Variants in PLEKHG2 observed in about 807,000 individuals in gnomAD.
PLEKHG2 encodes the protein pleckstrin homology and RhoGEF domain containing G2, also known as pleckstrin homology domain-containing family G member 2.
PLEKHG2 carries 71 observed loss-of-function variants against 104.4 expected under a neutral mutation model. The ratio of observed to expected loss-of-function variants is 0.68; its 90% confidence interval spans 0.56 to 0.83. The LOEUF (loss-of-function observed/expected upper bound fraction) is 0.83. Among genes scored for constraint, PLEKHG2 ranks in the 40% least tolerant of loss-of-function variants. PLEKHG2 has a pLI of 0.00. For missense variants in PLEKHG2, 1,730 were observed against 1,809.4 expected, an observed-to-expected ratio of 0.96 and a Z score of 0.80; for synonymous variants, 728 against 737.0, an observed-to-expected ratio of 0.99 and a Z score of 0.20.
At chr19:39,417,273 C>T (rs1369978663) in intron 7 of PLEKHG2, among the ~76,000 whole-genome samples, 1 of 152,146 alleles carries the variant, frequency 6.6e-6, no homozygotes, top group Non-Finnish European at 1.5e-5. Context: ...CTTGCTCAGC[C>T]TCCTGAGTAG....
chr19:39,417,752 C>CTTGGGGGG, intron 8 of PLEKHG2, 60 bp downstream of exon 8: 1 of 375,768 alleles, frequency 2.7e-6, no homozygotes, highest in Non-Finnish European at 3.9e-6. Context: ...GGCCTTGGGG[C>CTTGGGGGG]GGGTGGGGGG....
intron 11 of PLEKHG2, among the ~76,000 whole-genome samples, chr19:39,419,603 C>T (rs1348845832): frequency 6.6e-6 from 1 of 151,722 alleles, no homozygotes; most frequent in East Asian, 1.9e-4. Context: ...TTAGGCCGGG[C>T]GCGGTGGCTC....
At position 39,424,810 on chromosome 19, in the gene PLEKHG2, T is replaced by G. The variant is rs761934608; in HGVS notation, c.3677T>G (p.Leu1226Arg). 3 of 1,614,142 alleles carry G rather than the reference T, an allele frequency of 1.9e-6. No individual in the cohort carries two copies. The highest frequency in any genetic ancestry group is 8.5e-7 in the Non-Finnish European group (1 of 1,180,014). Residue 1226 changes from leucine (L) to arginine (R), a missense_variant, in exon 19 of 19, where the codon CTC becomes CGC. Physicochemically the swap from Leu to Arg is moderately radical, Grantham distance 102. Coordinates refer to ENST00000425673, the MANE Select transcript of PLEKHG2 (RefSeq NM_022835.3). ...GGAGGCTCTCTAGACATTCAGGGCC[T>G]CTCACCCACCCCAGTTCAGACCACC... Reference protein sequence around the residue: ...ERGGSLDIQGLSPTPVQTTMV... With the variant: ...ERGGSLDIQGRSPTPVQTTMV...
Position 39,416,420 on chromosome 19 carries a change from T to G in PLEKHG2, c.546+6T>G, listed in dbSNP as rs765580198. ...CCGAGTGCTTCGTGCAGAGGGTGAG[T>G]GGAGGGGTGGGGGGCTCTCGGTCCT... On this transcript the variant is annotated splice_donor_region_variant and intron_variant, in intron 5 of 18. Transcript: ENST00000425673. This position sits in a 1 kb window ranked among gnomAD's most constrained non-coding sequence, Gnocchi z 4.5. The G allele has an allele frequency of 2.5e-6, 4 of 1,572,416 alleles. No individual in the cohort carries two copies. Among genetic ancestry groups the G allele is most frequent in the African/African-American group, 3.2e-5 (2 of 63,092 alleles).
Position 39,422,589 on chromosome 19 carries a change from A to G in PLEKHG2, c.1678-143A>G, listed in dbSNP as rs938570663. ...TTTTTAGTAGAGACAGGGTTTCACT[A>G]TGTTGGCCAGGCTGGTCTCGAACTC... is the stretch of plus-strand genomic sequence containing the variant. On this transcript the variant is annotated intron_variant, in intron 17 of 18. Coordinates refer to ENST00000425673, the MANE Select transcript of PLEKHG2 (RefSeq NM_022835.3). 4 of 1,051,776 alleles carry G rather than the reference A, an allele frequency of 3.8e-6. No homozygotes were observed. In the African/African-American group the frequency reaches 5.0e-5, roughly 13 times the overall value. The allele number at this position is 1,051,776 out of a possible 1,614,324, so 65.2% of individuals were successfully genotyped here. A position where few individuals can be genotyped will look rare whatever the true frequency, so the allele number is the denominator to read the frequency against.
Position 39,424,943 on chromosome 19 carries a change from G to A in PLEKHG2, c.3810G>A (p.Leu1270=), listed in dbSNP as rs780560130. 5.0e-6 allele frequency: 8 copies of A among 1,614,192 alleles called. No homozygotes were observed. Among genetic ancestry groups the A allele is most frequent in the South Asian group, 3.3e-5 (3 of 91,086 alleles). The change falls in exon 19 of 19, where the codon CTG becomes CTA. Residue 1270 remains leucine, a synonymous_variant. Transcript: ENST00000425673. ...CCCCACCTTCCAGCCGTCAGCTCCT[G>A]GGCCCCAATGCAGCTGCCCTCTCCA... ...HSPPPSSRQL[L]GPNAAALSRY... is the part of the protein sequence containing the mutation.
At chr19:39,420,898 C>G in intron 13 of PLEKHG2, 46 bp downstream of exon 13, 1 of 1,614,020 alleles carries the variant, frequency 6.2e-7, no homozygotes, top group South Asian at 1.1e-5. Flanking sequence ...CCCCACTTCC[C>G]TAGGACCCGG....
At position 39,426,722 on chromosome 19, in the gene PLEKHG2, A is replaced by G. The variant is rs1156670828; in HGVS notation, c.*1428A>G. ...AAAGATTTAGGGAGCATATCCTTCC[A>G]CTTCCCAAACATATTTGAACCTCTG... On this transcript the variant is annotated 3_prime_UTR_variant, in exon 19 of 19. Transcript: ENST00000425673. 2.0e-5 allele frequency: 3 copies of G among 152,124 alleles called. No homozygotes were observed. The East Asian group carries it at 5.8e-4, about 29-fold the overall frequency. The allele number at this position is 152,124 out of a possible 1,614,324, so 9.4% of individuals were successfully genotyped here.
At position 39,423,975 on chromosome 19, in the gene PLEKHG2, C is replaced by T. The variant is rs140951388; in HGVS notation, c.2842C>T (p.Gln948Ter). Residue 948 changes from glutamine (Q) to a stop codon, truncating the protein, a stop_gained, in exon 19 of 19, where the codon CAG becomes TAG. Coordinates refer to ENST00000425673, the MANE Select transcript of PLEKHG2 (RefSeq NM_022835.3). LOFTEE classifies it low-confidence loss of function (END_TRUNC). ...TGAGCAAGGAGGTTCCCGGCATGTCCAGGCTCCAGCCGCCACACCTTTGCC... is the reference window on the plus strand; with the variant it reads ...TGAGCAAGGAGGTTCCCGGCATGTCTAGGCTCCAGCCGCCACACCTTTGCC... The part of the protein sequence containing the change: ...LPEQGGSRHV[Q>*]APAATPLPKQ... The T allele has an allele frequency of 1.1e-5, 17 of 1,614,152 alleles. No homozygotes were observed. The highest frequency in any genetic ancestry group is 1.3e-5 in the Non-Finnish European group (15 of 1,180,008).
rs1277263950 is a variant in PLEKHG2 at position 39,416,428 on chromosome 19, TG to T, written c.546+20del. ...TTCGTGCAGAGGGTGAGTGGAGGGG[TG>T]GGGGGCTCTCGGTCCTGGATGGGGC... On this transcript the variant is annotated intron_variant, in intron 5 of 18. Transcript: ENST00000425673. This position sits in a 1 kb window ranked among gnomAD's most constrained non-coding sequence, Gnocchi z 4.5. 1 of 1,581,260 alleles carries T rather than the reference TG, an allele frequency of 6.3e-7. No homozygotes were observed. The highest frequency in any genetic ancestry group is 8.6e-7 in the Non-Finnish European group (1 of 1,164,300).
chr19:39,415,022 G>A lies in PLEKHG2; in HGVS notation c.140G>A (p.Arg47Gln), dbSNP rs114725664. 1.0e-3 allele frequency: 1,617 copies of A among 1,596,634 alleles called. 17 individuals are homozygous for A. In the African/African-American group the frequency reaches 0.02, roughly 19 times the overall value. The change falls in exon 3 of 19, where the codon CGA becomes CAA. Residue 47 changes from arginine to glutamine, a missense_variant. By Grantham distance (43) the Arg-to-Gln change is conservative (BLOSUM62 1). Transcript: ENST00000425673. The surrounding 1 kb of genome is among the most constrained non-coding windows in gnomAD (Gnocchi z 4.6). ...APAAPTMASP[R>Q]GSGSSTSLST... ...GCAGCCCCCACCATGGCCTCCCCCC[G>A]AGGTTCTGGGAGCTCCACATCCCTG...
intron 7 of PLEKHG2, among the ~76,000 whole-genome samples, 183 bp from the exon 8 acceptor site, chr19:39,417,372 C>T (rs1311874019): frequency 1.3e-5 from 2 of 151,310 alleles, no homozygotes; most frequent in African/African-American, 4.9e-5. Flanking sequence ...GGGCTAGTCT[C>T]GAACTCCTGG....
rs1382136430 is a variant in PLEKHG2 at position 39,414,198 on chromosome 19, G to A, written c.109+3G>A. The A allele has an allele frequency of 5.8e-6, 9 of 1,551,092 alleles. No individual in the cohort carries two copies. The highest frequency in any genetic ancestry group is 7.8e-6 in the Non-Finnish European group (9 of 1,146,590). ...CACCGTGTGTGAGACTCGGACAGGT[G>A]AGCCTAGAGGCAGGGGCGGCGGAGC... is the stretch of plus-strand genomic sequence containing the variant. On this transcript the variant is annotated splice_donor_region_variant and intron_variant, in intron 2 of 18. Coordinates refer to ENST00000425673, the MANE Select transcript of PLEKHG2 (RefSeq NM_022835.3).
chr19:39,425,040 G>A lies in PLEKHG2; in HGVS notation c.3907G>A (p.Ala1303Thr). The A allele has an allele frequency of 6.3e-7, 1 of 1,596,636 alleles. No individual in the cohort carries two copies. Among genetic ancestry groups the A allele is most frequent in the Non-Finnish European group, 8.5e-7 (1 of 1,171,768 alleles). The stretch of plus-strand genomic sequence containing the variant: ...GGGGCCTGGGGGAGGGGCCCCCGCA[G>A]CCTCCCGGGGCTCCTGGTCCTCTGC... ...RQGPGGGAPAASRGSWSSAPT... is the reference protein window; with the variant it reads ...RQGPGGGAPATSRGSWSSAPT... The change falls in exon 19 of 19, where the codon GCC becomes ACC. Residue 1303 changes from alanine (A) to threonine (T), a missense_variant. Transcript: ENST00000425673.
In PLEKHG2 at chr19:39,424,903, CGCCACCT is replaced by C; in HGVS notation, c.3771_3777del (p.Pro1258IlefsTer99). On this transcript the variant is annotated frameshift_variant, in exon 19 of 19. Coordinates refer to ENST00000425673, the MANE Select transcript of PLEKHG2 (RefSeq NM_022835.3). LOFTEE classifies it high-confidence loss of function. Reference sequence around the variant, plus strand: ...GCCAGGTTGGAGTCTTCAGACTTGACGCCACCTCATAGTCCCCCACCTTCCAGCCGTC... The same window carrying C: ...GCCAGGTTGGAGTCTTCAGACTTGACCATAGTCCCCCACCTTCCAGCCGTC... 1 of 1,614,230 alleles carries C rather than the reference CGCCACCT, an allele frequency of 6.2e-7. No individual in the cohort carries two copies. Among genetic ancestry groups the C allele is most frequent in the Non-Finnish European group, 8.5e-7 (1 of 1,180,042 alleles).
chr19:39,417,735 GC>G, intron 8 of PLEKHG2, 43 bp downstream of exon 8: 1 of 1,584,322 alleles, frequency 6.3e-7, no homozygotes, highest in Admixed American at 1.8e-5. Context: ...GAGGGAGTGA[GC>G]GAGGGGGCCT....
rs367549602 is a variant in PLEKHG2, at chr19:39,422,782, C to A, written c.1728C>A (p.Gly576=). The stretch of plus-strand genomic sequence containing the variant: ...TCCCCGGAGACTCCCAGGTGCCTGG[C>A]GACAGCGAAACCCTCACATTCCAAG... The part of the protein sequence containing the change: ...PKFPGDSQVP[G]DSETLTFQAL... Residue 576 remains glycine (G), a synonymous_variant, in exon 18 of 19, where the codon GGC becomes GGA. Coordinates refer to ENST00000425673, the MANE Select transcript of PLEKHG2 (RefSeq NM_022835.3). 1 of 1,526,184 alleles carries A rather than the reference C, an allele frequency of 6.6e-7. No individual in the cohort carries two copies. The highest frequency in any genetic ancestry group is 8.8e-7 in the Non-Finnish European group (1 of 1,139,620). 94.5% of individuals were successfully genotyped at this position (1,526,184 alleles called of 1,614,324 possible).
At chr19:39,420,912 C>T in intron 13 of PLEKHG2, 37 bp from the exon 14 acceptor site, 1 of 1,614,044 alleles carries the variant, frequency 6.2e-7, no homozygotes, top group Non-Finnish European at 8.5e-7. Context: ...GACCCGGGAG[C>T]TGGGCTCACA....
In PLEKHG2 at chr19:39,427,444, C is replaced by G. The variant is rs1289291892; in HGVS notation, c.*2150C>G. The G allele has an allele frequency of 6.6e-6, 1 of 152,000 alleles. No individual in the cohort carries two copies. Among genetic ancestry groups the G allele is most frequent in the Non-Finnish European group, 1.5e-5 (1 of 68,078 alleles). The allele number at this position is 152,000 out of a possible 1,614,324, so 9.4% of individuals were successfully genotyped here. A position where few individuals can be genotyped will look rare whatever the true frequency, so the allele number is the denominator to read the frequency against. ...CTGCCTCCCAGGTTCAAGTGATTCTCCTGCCTCTAGCTGGGATTGCAGGCG... is the reference window on the plus strand; with the variant it reads ...CTGCCTCCCAGGTTCAAGTGATTCTGCTGCCTCTAGCTGGGATTGCAGGCG... On this transcript the variant is annotated 3_prime_UTR_variant, in exon 19 of 19. Coordinates refer to ENST00000425673, the MANE Select transcript of PLEKHG2 (RefSeq NM_022835.3).
Sources: allele counts gnomAD v4.1 joint callset (sites outside exome capture counted in the v4.1 genomes callset), GRCh38; gene constraint gnomAD v4.1.1; non-coding constraint Gnocchi (gnomAD v3.1); transcripts MANE v1.5; gene names NCBI Gene and HGNC (gene_info 2026-07-23, HGNC 2026-07-21).